The following HAT1 variants were observed in gnomAD, a reference collection of about 807,000 sequenced individuals.
The protein encoded by HAT1 is histone acetyltransferase type B catalytic subunit.
A neutral mutation model predicts 56.6 loss-of-function variants in HAT1; 20 were observed. The ratio of observed to expected loss-of-function variants is 0.35; its 90% CI spans 0.25 to 0.51. The LOEUF (loss-of-function observed/expected upper bound fraction) is 0.51, where lower values mean the gene tolerates loss of function less well. Ranked by LOEUF, HAT1 falls within the 20% of genes least tolerant of loss-of-function variation. The pLI is 0.95. For missense variants in HAT1, 408 were observed against 504.3 expected (o/e 0.81, Z 1.83); for synonymous variants, 146 against 165.5 (o/e 0.88, Z 0.91).
intron 9 of HAT1, among the ~76,000 whole-genome samples, chr2:171,977,090 T>G (rs1336844012): frequency 6.6e-6 from 1 of 152,018 alleles, no homozygotes; most frequent in African/African-American, 2.4e-5. Flanking sequence ...GAGAATTGCT[T>G]GAACCTGGGG....
At chr2:171,969,419 T>TG (rs1236964083) in intron 8 of HAT1, among the ~76,000 whole-genome samples, 1 of 152,180 alleles carries the variant, frequency 6.6e-6, no homozygotes, top group African/African-American at 2.4e-5. Flanking sequence ...CACTAATATG[T>TG]ATGTTAATAT....
At position 171,946,779 on chromosome 2, in the gene HAT1, G is replaced by A. The variant is rs976805074; in HGVS notation, c.184G>A (p.Asp62Asn). 2.1e-6 allele frequency: 3 copies of A among 1,426,076 alleles called. No homozygotes were observed. Among genetic ancestry groups the A allele is most frequent in the Non-Finnish European group, 2.9e-6 (3 of 1,025,036 alleles). The allele number at this position is 1,426,076 out of a possible 1,614,324, so 88.3% of individuals were successfully genotyped here. A position where few individuals can be genotyped will look rare whatever the true frequency, so the allele number is the denominator to read the frequency against. Reference protein sequence around the residue: ...FPEYTHQLFGDDETAFGYKGL... With the variant: ...FPEYTHQLFGNDETAFGYKGL... ...TGAGTATACCCATCAACTCTTTGGG[G>A]ATGAGTAAGTAACTTAGTAAAATAT... The change falls in exon 3 of 11, where the codon GAT (aspartate) becomes AAT (asparagine). Residue 62 changes from aspartate to asparagine, a missense_variant. Coordinates refer to ENST00000264108, the MANE Select transcript of HAT1 (RefSeq NM_003642.4).
chr2:171,948,618 A>T (rs1271760807), intron 3 of HAT1, among the ~76,000 whole-genome samples: 1 of 152,180 alleles, frequency 6.6e-6, no homozygotes, highest in Non-Finnish European at 1.5e-5. Flanking sequence ...CCAATCCTGG[A>T]TCCAATACAG....
At chr2:171,928,912 G>T (rs1686667364) in intron 2 of HAT1, among the ~76,000 whole-genome samples, 2 of 152,180 alleles carry the variant, frequency 1.3e-5, no homozygotes, top group African/African-American at 4.8e-5. Flanking sequence ...GTTATTGTAT[G>T]AGTTTTTTTG....
chr2:171,929,088 C>A (rs1374038526), intron 2 of HAT1, among the ~76,000 whole-genome samples: 6 of 152,146 alleles, frequency 3.9e-5, no homozygotes, highest in Admixed American at 6.5e-5. Context: ...ATATCCTCAC[C>A]AACATTTTAT....
chr2:171,929,448 A>G (rs1301815671), intron 2 of HAT1, among the ~76,000 whole-genome samples: 6 of 152,124 alleles, frequency 3.9e-5, no homozygotes, highest in African/African-American at 7.2e-5. Flanking sequence ...CTTTTTTTGT[A>G]TAACTGGAAG....
chr2:171,939,672 G>A (rs1686969086), intron 2 of HAT1, among the ~76,000 whole-genome samples: 1 of 152,152 alleles, frequency 6.6e-6, no homozygotes, highest in South Asian at 2.1e-4. Context: ...ATACTTTAAT[G>A]TGGTTGATAA....
intron 4 of HAT1, among the ~76,000 whole-genome samples, chr2:171,959,960 T>C (rs554493968): frequency 6.6e-6 from 1 of 152,258 alleles, no homozygotes; most frequent in South Asian, 2.1e-4. Flanking sequence ...TCCAGAAAGA[T>C]TACCAGGGTT....
chr2:171,965,763 G>C (rs367760195), intron 5 of HAT1, 24 bp from the exon 6 acceptor site: 1 of 1,609,392 alleles, frequency 6.2e-7, no homozygotes, highest in Non-Finnish European at 8.5e-7. Flanking sequence ...AGTTTCACCT[G>C]ACTTTTCCTG....
At chr2:171,924,184 G>C (rs1686517260) in intron 1 of HAT1, 1 of 150,728 alleles carries the variant, frequency 6.6e-6, no homozygotes, top group Admixed American at 6.6e-5. Context: ...TTTGCTTATG[G>C]CTTTTTTCTG....
At chr2:171,966,223 A>G in intron 6 of HAT1, 186 bp from the exon 7 acceptor site, 2 of 635,352 alleles carry the variant, frequency 3.1e-6, no homozygotes, top group Non-Finnish European at 5.7e-6. Flanking sequence ...AAGAGGTCTG[A>G]TTTATCCAAG....
At chr2:171,970,408 AAC>A (rs1446707117) in intron 8 of HAT1, among the ~76,000 whole-genome samples, 1 of 151,378 alleles carries the variant, frequency 6.6e-6, no homozygotes, top group Non-Finnish European at 1.5e-5. Flanking sequence ...GTCTCAAAAA[AAC>A]ACACAGATTC....
At chr2:171,925,850 T>G (rs530428595) in intron 2 of HAT1, among the ~76,000 whole-genome samples, 1 of 151,912 alleles carries the variant, frequency 6.6e-6, no homozygotes, top group African/African-American at 2.4e-5. Context: ...GAATTTTATA[T>G]AAAAAGGAAA....
At chr2:171,925,666 G>A in intron 2 of HAT1, 25 bp downstream of exon 2, 2 of 920,668 alleles carry the variant, frequency 2.2e-6, no homozygotes, top group Non-Finnish European at 3.7e-6. Flanking sequence ...TCTAAGTGAT[G>A]TTATGTACAT....
chr2:171,931,157 G>A (rs1574034103), intron 2 of HAT1, among the ~76,000 whole-genome samples: 3 of 152,032 alleles, frequency 2.0e-5, no homozygotes, highest in African/African-American at 7.2e-5. Context: ...TTGGGAGGTT[G>A]AGGCAGGCAG....
intron 9 of HAT1, among the ~76,000 whole-genome samples, chr2:171,978,458 C>A (rs1284699862): frequency 6.6e-6 from 1 of 152,140 alleles, no homozygotes; most frequent in Non-Finnish European, 1.5e-5. Flanking sequence ...TTAACTCTTA[C>A]CTATATACTG....
intron 2 of HAT1, among the ~76,000 whole-genome samples, chr2:171,937,868 A>C (rs539371077): frequency 5.0e-4 from 76 of 152,146 alleles, no homozygotes; most frequent in Non-Finnish European, 1.1e-3. Flanking sequence ...AAAAAAAATC[A>C]AACAATTAGC....
intron 1 of HAT1, among the ~76,000 whole-genome samples, chr2:171,925,199 A>G (rs1295139968): frequency 6.6e-6 from 1 of 150,958 alleles, no homozygotes; most frequent in Non-Finnish European, 1.5e-5. Flanking sequence ...CAGCCTCCCA[A>G]GTAGCTGGGA....
intron 8 of HAT1, among the ~76,000 whole-genome samples, chr2:171,972,478 TG>T (rs1687841328): frequency 6.6e-6 from 1 of 152,184 alleles, no homozygotes; most frequent in Non-Finnish European, 1.5e-5. Flanking sequence ...TTGCCCAGGC[TG>T]GTCTTGAACT....
Sources: gnomAD v4.1 joint callset for allele counts (sites outside exome capture counted in the v4.1 genomes callset) on GRCh38, gnomAD v4.1.1 for gene constraint, MANE v1.5 for transcripts, NCBI Gene and HGNC (gene_info 2026-07-23, HGNC 2026-07-21) for gene names.